The following KDM5A variants were observed in gnomAD, a reference collection of about 807,000 sequenced individuals.
KDM5A encodes lysine demethylase 5A, also known as lysine-specific demethylase 5A.
Under a neutral mutation model 193.5 loss-of-function variants are expected in KDM5A, and 42 were observed. The observed-to-expected ratio is 0.22, with a 90% CI of 0.17 to 0.28. The LOEUF is 0.28. Ranked by LOEUF, KDM5A falls within the 10% of genes least tolerant of loss-of-function variation. The pLI is 1.00. For synonymous variants in KDM5A, 796 were observed against 718.1 expected (o/e 1.11, Z -1.73); for missense variants, 1,692 against 2,055.1 (o/e 0.82, Z 3.42).
At chr12:380,329 A>G (rs1944559009) in intron 3 of KDM5A, among the ~76,000 whole-genome samples, 1 of 152,220 alleles carries the variant, frequency 6.6e-6, no homozygotes, top group African/African-American at 2.4e-5. Flanking sequence ...TTTAAATGGA[A>G]AATCACTGAC....
intron 24 of KDM5A, among the ~76,000 whole-genome samples, chr12:305,458 G>A (rs1943492273): frequency 6.6e-6 from 1 of 152,120 alleles, no homozygotes; most frequent in East Asian, 1.9e-4. Context: ...TAATGCTGAT[G>A]AGATTAATGA....
intron 10 of KDM5A, among the ~76,000 whole-genome samples, chr12:343,491 G>C (rs570427524): frequency 6.6e-6 from 1 of 152,172 alleles, no homozygotes; most frequent in Non-Finnish European, 1.5e-5. Flanking sequence ...GCCTAACTGG[G>C]AGACACCCCT....
At chr12:372,752 T>C (rs908306526) in intron 3 of KDM5A, among the ~76,000 whole-genome samples, 7 of 152,232 alleles carry the variant, frequency 4.6e-5, no homozygotes, top group Non-Finnish European at 1.0e-4. Context: ...TCTTATTATT[T>C]TGACATACGT....
At chr12:316,393 G>C (rs1301822906) in intron 19 of KDM5A, among the ~76,000 whole-genome samples, 1 of 152,118 alleles carries the variant, frequency 6.6e-6, no homozygotes, top group Non-Finnish European at 1.5e-5. Context: ...GCATGTAGCA[G>C]GTTCTCCATC....
At chr12:301,070 C>T (rs770119205) in intron 24 of KDM5A, among the ~76,000 whole-genome samples, 17 of 152,152 alleles carry the variant, frequency 1.1e-4, no homozygotes, top group African/African-American at 4.1e-4. Context: ...CAGGACCAGA[C>T]AGATTCATAG....
intron 3 of KDM5A, among the ~76,000 whole-genome samples, chr12:368,219 A>G (rs541561283): frequency 4.6e-4 from 70 of 152,360 alleles, no homozygotes; most frequent in African/African-American, 1.5e-3. Context: ...GCAAATTCAT[A>G]GAGACAGAAA....
chr12:321,692 TTAC>T (rs1352008566), intron 17 of KDM5A, among the ~76,000 whole-genome samples: 1 of 152,232 alleles, frequency 6.6e-6, no homozygotes, highest in East Asian at 1.9e-4. Context: ...TGTGTTGGAA[TTAC>T]TACAACACAT....
At chr12:362,868 G>A in intron 5 of KDM5A, 95 bp downstream of exon 5, 2 of 1,144,648 alleles carry the variant, frequency 1.7e-6, no homozygotes, top group South Asian at 2.5e-5. Context: ...GGAGGCAAGA[G>A]GATCACTTGA....
chr12:377,234 T>C (rs1944517657), intron 3 of KDM5A, among the ~76,000 whole-genome samples: 1 of 152,074 alleles, frequency 6.6e-6, no homozygotes, highest in Non-Finnish European at 1.5e-5. Flanking sequence ...AAAAAAGCTA[T>C]AGGTAAGTAA....
At chr12:333,905 G>C (rs560055799) in intron 11 of KDM5A, among the ~76,000 whole-genome samples, 1 of 152,132 alleles carries the variant, frequency 6.6e-6, no homozygotes, top group Non-Finnish European at 1.5e-5. Flanking sequence ...CTGTAAGGCG[G>C]ATCAGTGAAA....
chr12:342,749 A>C (rs950462972), intron 10 of KDM5A, among the ~76,000 whole-genome samples: 1 of 148,478 alleles, frequency 6.7e-6, no homozygotes, highest in African/African-American at 2.5e-5. Flanking sequence ...GGCATGGGCC[A>C]CCGTGCCTGG....
At chr12:348,684 T>G (rs543513377) in intron 10 of KDM5A, among the ~76,000 whole-genome samples, 3 of 151,790 alleles carry the variant, frequency 2.0e-5, no homozygotes, top group Non-Finnish European at 4.4e-5. Flanking sequence ...AACCACGTGT[T>G]CTCACTCATA....
rs563109439 is a variant in KDM5A, at chr12:329,709, T to C, written c.1774-680A>G. Among the ~76,000 whole-genome samples the C allele has an allele frequency of 8.5e-5, 13 of 152,258 alleles. No individual in the cohort carries two copies. The East Asian group carries it at 1.5e-3, about 18-fold the overall frequency. On this transcript the variant is annotated intron_variant, in intron 13 of 27. Transcript: ENST00000399788. ...CAGTGAAATAAATAACTGATCACTT[T>C]TCATAAATGAACAGTTACAGTCTTT...
At chr12:367,096 A>G (rs1944365991) in intron 3 of KDM5A, among the ~76,000 whole-genome samples, 1 of 152,200 alleles carries the variant, frequency 6.6e-6, no homozygotes, top group African/African-American at 2.4e-5. Flanking sequence ...TTTGCACAAT[A>G]ATGAAATCCT....
At chr12:338,526 T>A (rs1943961249) in intron 10 of KDM5A, among the ~76,000 whole-genome samples, 2 of 152,216 alleles carry the variant, frequency 1.3e-5, no homozygotes, top group Admixed American at 1.3e-4. Flanking sequence ...TGTTTCCCTT[T>A]GCTGATTTTG....
chr12:345,305 C>T (rs1170169098), intron 10 of KDM5A, among the ~76,000 whole-genome samples: 1 of 152,128 alleles, frequency 6.6e-6, no homozygotes, highest in African/African-American at 2.4e-5. Flanking sequence ...CTTAGACTCC[C>T]ACACAATGAT....
At chr12:383,381 GC>G (rs1483931625) in intron 3 of KDM5A, among the ~76,000 whole-genome samples, 1 of 151,768 alleles carries the variant, frequency 6.6e-6, no homozygotes, top group Non-Finnish European at 1.5e-5. Flanking sequence ...TGCCCAGTTA[GC>G]TTTTCTGTAT....
At chr12:362,366 ATT>A (rs1944303722) in intron 5 of KDM5A, among the ~76,000 whole-genome samples, 1 of 151,958 alleles carries the variant, frequency 6.6e-6, no homozygotes, top group African/African-American at 2.4e-5. Flanking sequence ...AAATTAGGGC[ATT>A]TTTCTTCTGA....
chr12:356,632 G>A (rs2137458349), intron 5 of KDM5A, 95 bp from the exon 6 acceptor site: 1 of 773,822 alleles, frequency 1.3e-6, no homozygotes, highest in South Asian at 1.5e-5. Context: ...CTTCAACACG[G>A]AAGAACAAAT....
Sources: gnomAD v4.1 joint callset for allele counts (sites outside exome capture counted in the v4.1 genomes callset) on GRCh38, gnomAD v4.1.1 for gene constraint, MANE v1.5 for transcripts, NCBI Gene and HGNC (gene_info 2026-07-23, HGNC 2026-07-21) for gene names.